ACP6: variants seen among roughly 807,000 people sequenced by gnomAD.
ACP6 encodes lysophosphatidic acid phosphatase type 6.
Under a neutral mutation model 48.1 loss-of-function variants are expected in ACP6, and 48 were observed. The observed-to-expected ratio is 1.00, with a 90% CI of 0.79 to 1.27. The LOEUF (loss-of-function observed/expected upper bound fraction) is 1.27, where lower values mean the gene tolerates loss of function less well. Among genes scored for constraint, ACP6 ranks in the 50% most tolerant of loss-of-function variants. ACP6 has a pLI of 0.00. For synonymous variants in ACP6, 172 were observed against 204.2 expected (o/e 0.84, Z 1.34); for missense variants, 485 against 529.1 (o/e 0.92, Z 0.82).
intron 8 of ACP6, among the ~76,000 whole-genome samples, chr1:147,649,493 G>A (rs1659800173): frequency 6.6e-6 from 1 of 151,000 alleles, no homozygotes; most frequent in Admixed American, 6.6e-5. Context: ...TCACCAGGCT[G>A]GAGTACAGTG....
chr1:147,669,373 TC>T (rs1266335507), intron 1 of ACP6, among the ~76,000 whole-genome samples: 1 of 152,162 alleles, frequency 6.6e-6, no homozygotes, highest in Non-Finnish European at 1.5e-5. Flanking sequence ...TCCACTGTAA[TC>T]TCAGTTAAGA....
At chr1:147,652,586 T>C in intron 6 of ACP6, 37 bp from the exon 7 acceptor site, 1 of 1,613,558 alleles carries the variant, frequency 6.2e-7, no homozygotes, top group East Asian at 2.2e-5. Context: ...AAAAAATGCT[T>C]CTTACCTACT....
At chr1:147,639,203 AC>A (rs1425568191), downstream of ACP6, among the ~76,000 whole-genome samples, 5 of 152,168 alleles carry the variant, frequency 3.3e-5, no homozygotes, top group African/African-American at 9.7e-5. Flanking sequence ...GTGCTATATG[AC>A]CTTGGCCAAG....
At chr1:147,659,066 C>A in intron 3 of ACP6, 27 bp from the exon 4 acceptor site, 2 of 1,581,744 alleles carry the variant, frequency 1.3e-6, no homozygotes, top group Non-Finnish European at 1.7e-6. Context: ...AATAGTGACA[C>A]TCATAAAAGG....
chr1:147,669,190 T>C (rs778883882), intron 1 of ACP6, among the ~76,000 whole-genome samples: 7 of 152,142 alleles, frequency 4.6e-5, no homozygotes, highest in Admixed American at 6.5e-5. Flanking sequence ...ATTTTAAATT[T>C]GTTCCGACCT....
At position 147,636,372 on chromosome 1, in the gene ACP6, A is replaced by G. The variant is rs587731402; in HGVS notation, c.461-5307T>C. 5.9e-5 allele frequency among the ~76,000 whole-genome samples: 9 copies of G among 152,362 alleles called. No individual in the cohort carries two copies. The South Asian group carries it at 1.2e-3, about 21-fold the overall frequency. On this transcript the variant is annotated intron_variant, in intron 5 of 5. Coordinates refer to the ACP6 transcript ENST00000609196. ...CAAAAGAAGTCCTGCCATCTTTGGCAGGAAGATCACAAGAAGCGGGACAGG... is the reference window on the plus strand; with the variant it reads ...CAAAAGAAGTCCTGCCATCTTTGGCGGGAAGATCACAAGAAGCGGGACAGG...
chr1:147,636,870 T>G (rs1659315496), intron 5 of ACP6, among the ~76,000 whole-genome samples: 1 of 152,192 alleles, frequency 6.6e-6, no homozygotes, highest in Non-Finnish European at 1.5e-5. Context: ...CAGGGACCCC[T>G]CTTGCTGCCC....
In ACP6 at chr1:147,659,783, T is replaced by G. The variant is rs782440764; in HGVS notation, c.220-8A>C. The G allele has an allele frequency of 8.7e-6, 14 of 1,611,416 alleles. No homozygotes were observed. The stretch of plus-strand genomic sequence containing the variant: ...CTGGGGGTTCCACTCTACCTGTTAG[T>G]ACAAAAAAAACACACCACATTGTTT... On this transcript the variant is annotated splice_polypyrimidine_tract_variant and splice_region_variant and intron_variant, in intron 1 of 9. Coordinates refer to ENST00000583509, the MANE Select transcript of ACP6 (RefSeq NM_016361.5).
intron 1 of ACP6, 33 bp downstream of exon 1, chr1:147,669,797 C>T (rs782702562): frequency 1.3e-6 from 2 of 1,535,518 alleles, no homozygotes. Flanking sequence ...ACGGTCCTCG[C>T]CCCACCAGCC....
chr1:147,653,478 A>C (rs1307628256), intron 6 of ACP6, among the ~76,000 whole-genome samples: 1 of 152,088 alleles, frequency 6.6e-6, no homozygotes, highest in African/African-American at 2.4e-5. Flanking sequence ...AAAGCAAGGA[A>C]TTCATAAATT....
intron 6 of ACP6, among the ~76,000 whole-genome samples, chr1:147,652,911 C>T (rs899948160): frequency 6.6e-6 from 1 of 152,274 alleles, no homozygotes; most frequent in Non-Finnish European, 1.5e-5. Context: ...ACTGCAAGCT[C>T]CACCTCCTGG....
chr1:147,631,215 A>C (rs1329363081), intron 5 of ACP6: 2 of 152,152 alleles, frequency 1.3e-5, no homozygotes, highest in Non-Finnish European at 2.9e-5. Flanking sequence ...TAACCTCTGA[A>C]TTTCTCTCAC....
downstream of ACP6, among the ~76,000 whole-genome samples, chr1:147,640,519 C>G (rs587618385): frequency 1.3e-5 from 2 of 152,330 alleles, no homozygotes; most frequent in South Asian, 4.1e-4. Flanking sequence ...CTTTCCATAC[C>G]TAATCTATGT....
chr1:147,660,079 C>A (rs1439825388), intron 1 of ACP6, among the ~76,000 whole-genome samples: 2 of 152,048 alleles, frequency 1.3e-5, no homozygotes, highest in Non-Finnish European at 2.9e-5. Context: ...GCCTGGCATG[C>A]GGATACGTGG....
chr1:147,657,538 A>G (rs1360633463), intron 4 of ACP6, among the ~76,000 whole-genome samples: 3 of 152,144 alleles, frequency 2.0e-5, no homozygotes, highest in Non-Finnish European at 2.9e-5. Context: ...CTCCTGCCTC[A>G]GCCTCCTGAA....
At chr1:147,650,857 T>A (rs2148904779) in intron 7 of ACP6, 1 of 152,338 alleles carries the variant, frequency 6.6e-6, no homozygotes, top group South Asian at 2.1e-4. Flanking sequence ...TCACTCACAG[T>A]AGTGAACAAA....
At chr1:147,669,455 A>G (rs1411415054) in intron 1 of ACP6, among the ~76,000 whole-genome samples, 9 of 152,218 alleles carry the variant, frequency 5.9e-5, no homozygotes, top group African/African-American at 2.2e-4. Context: ...GTCACACAGA[A>G]GTGCACTGCA....
intron 5 of ACP6, among the ~76,000 whole-genome samples, chr1:147,654,706 AC>A (rs1345272561): frequency 6.6e-6 from 1 of 152,176 alleles, no homozygotes; most frequent in Non-Finnish European, 1.5e-5. Context: ...ATCAGCCCAA[AC>A]CGATCTATCT....
chr1:147,661,691 C>T (rs1319032421), intron 1 of ACP6, among the ~76,000 whole-genome samples: 1 of 152,158 alleles, frequency 6.6e-6, no homozygotes, highest in Non-Finnish European at 1.5e-5. Context: ...AAGCCAAAAC[C>T]TATGCCTCTT....
Sources: allele counts gnomAD v4.1 joint callset (sites outside exome capture counted in the v4.1 genomes callset), GRCh38; gene constraint gnomAD v4.1.1; transcripts MANE v1.5; gene names NCBI Gene and HGNC (gene_info 2026-07-23, HGNC 2026-07-21).